The following RNF6 variants were observed in gnomAD, a reference collection of about 807,000 sequenced individuals.
The protein encoded by RNF6 is E3 ubiquitin-protein ligase RNF6.
In RNF6, 21 loss-of-function variants were observed where a neutral mutation model predicts 50.1. The ratio of observed to expected loss-of-function variants is 0.42; its 90% CI spans 0.30 to 0.60. RNF6 has a LOEUF of 0.60. RNF6 is among the 20% of genes least tolerant of loss of function. RNF6 has a pLI of 0.20. For missense variants in RNF6, 698 were observed against 838.2 expected (o/e 0.83, Z 2.07); for synonymous variants, 255 against 291.8 (o/e 0.87, Z 1.29).
chr13:26,174,621 C>A (rs142820499), intron 5 of RNF6, among the ~76,000 whole-genome samples: 317 of 152,186 alleles, frequency 2.1e-3, no homozygotes, highest in African/African-American at 7.2e-3. Flanking sequence ...GAAAACAAAC[C>A]CCAAAATATT....
At chr13:26,179,653 G>A (rs778867606) in intron 5 of RNF6, among the ~76,000 whole-genome samples, 9 of 152,124 alleles carry the variant, frequency 5.9e-5, no homozygotes, top group Non-Finnish European at 1.3e-4. Context: ...ACCATTCAGG[G>A]TCCTGTCCTC....
chr13:26,210,427 T>A (rs770161206), downstream of RNF6, among the ~76,000 whole-genome samples: 69 of 152,224 alleles, frequency 4.5e-4, no homozygotes, highest in Non-Finnish European at 4.0e-4. Context: ...CTCTGGCCCT[T>A]AATGCAGCAT....
At chr13:26,186,491 A>C (rs562513899) in intron 5 of RNF6, among the ~76,000 whole-genome samples, 2 of 152,200 alleles carry the variant, frequency 1.3e-5, no homozygotes, top group Non-Finnish European at 2.9e-5. Context: ...ACTGGCAGTC[A>C]GCGGAGACGC....
At position 26,214,911 on chromosome 13, in the gene RNF6, T is replaced by A; in HGVS notation, c.971A>T (p.His324Leu). ...PIQRQSGTVY[H>L]NSQRESRPVQ... ...TGGTCTACTTTCCCTTTGGGAATTA[T>A]GATAAACAGTGCCACTCTGTCTCTG... The change falls in exon 5 of 5, where the codon CAT becomes CTT. Residue 324 changes from histidine to leucine, a missense_variant. Transcript: ENST00000381588. 1 of 1,614,260 alleles carries A rather than the reference T, an allele frequency of 6.2e-7. No individual in the cohort carries two copies. Among genetic ancestry groups the A allele is most frequent in the South Asian group, 1.1e-5 (1 of 91,090 alleles).
rs1239965597 is a variant in RNF6, at chr13:26,214,461, T to C, written c.1421A>G (p.Glu474Gly). The C allele has an allele frequency of 6.2e-7, 1 of 1,614,192 alleles. No individual in the cohort carries two copies. The highest frequency in any genetic ancestry group is 8.5e-7 in the Non-Finnish European group (1 of 1,180,044). ...LRRISENELV[E>G]PSSVALRSIL... ...TGACCGAAGAGCCACTGATGATGGC[T>C]CAACAAGCTCATTCTCAGAAATCCT... Residue 474 changes from glutamate to glycine, a missense_variant, in exon 5 of 5, where the codon GAG becomes GGG. Glu to Gly is a moderately conservative substitution (Grantham distance 98). Transcript: ENST00000381588.
chr13:26,158,258 T>C (rs932261067), intron 5 of RNF6, among the ~76,000 whole-genome samples: 9 of 152,078 alleles, frequency 5.9e-5, no homozygotes, highest in African/African-American at 2.2e-4. Flanking sequence ...AATTTCAAGT[T>C]CCAAGGAGAG....
chr13:26,211,942 T>G (rs1183460934), downstream of RNF6, among the ~76,000 whole-genome samples: 1 of 152,210 alleles, frequency 6.6e-6, no homozygotes, highest in Non-Finnish European at 1.5e-5. Context: ...CTCTTCCACC[T>G]CTTCATACTG....
intron 5 of RNF6, among the ~76,000 whole-genome samples, chr13:26,132,607 A>G (rs1391339634): frequency 6.6e-6 from 1 of 152,254 alleles, no homozygotes; most frequent in Admixed American, 6.5e-5. Context: ...ACACTTTAAT[A>G]TAAACCTTGT....
At chr13:26,155,105 A>G (rs1390614863) in intron 5 of RNF6, among the ~76,000 whole-genome samples, 1 of 151,918 alleles carries the variant, frequency 6.6e-6, no homozygotes, top group Non-Finnish European at 1.5e-5. Context: ...AGAGACATCA[A>G]TTCTTCTCCC....
chr13:26,169,629 T>C (rs888058640), intron 5 of RNF6, among the ~76,000 whole-genome samples: 1 of 152,166 alleles, frequency 6.6e-6, no homozygotes, highest in African/African-American at 2.4e-5. Flanking sequence ...ACCCAGGAAA[T>C]GTCTTTCTGA....
downstream of RNF6, among the ~76,000 whole-genome samples, chr13:26,211,932 C>G (rs539231491): frequency 6.6e-6 from 1 of 152,342 alleles, no homozygotes; most frequent in Non-Finnish European, 1.5e-5. Flanking sequence ...AGGTGATTCT[C>G]TCTTCCACCT....
chr13:26,164,947 AT>A (rs1872375754), intron 5 of RNF6, among the ~76,000 whole-genome samples: 1 of 152,198 alleles, frequency 6.6e-6, no homozygotes, highest in South Asian at 2.1e-4. Flanking sequence ...AGCTGCAGAA[AT>A]TTGCATAAGT....
intron 5 of RNF6, among the ~76,000 whole-genome samples, chr13:26,184,058 G>T (rs1344362564): frequency 8.9e-6 from 1 of 112,040 alleles, no homozygotes; most frequent in Non-Finnish European, 1.6e-5. Flanking sequence ...ACAGAGTCTC[G>T]CTCTGTTGCT....
chr13:26,210,628 T>A (rs904498300), downstream of RNF6, among the ~76,000 whole-genome samples: 1 of 152,204 alleles, frequency 6.6e-6, no homozygotes, highest in Admixed American at 6.5e-5. Context: ...AGGAATTAAA[T>A]TAGACTGAAA....
intron 5 of RNF6, among the ~76,000 whole-genome samples, chr13:26,133,329 T>C (rs549531644): frequency 4.6e-5 from 7 of 152,312 alleles, no homozygotes; most frequent in African/African-American, 1.4e-4. Flanking sequence ...TTTGTTTGGA[T>C]TTATCTCTTT....
In RNF6 at chr13:26,214,814, T is replaced by A. The variant is rs189509962; in HGVS notation, c.1068A>T (p.Glu356Asp). 6.2e-7 allele frequency: 1 copy of A among 1,614,202 alleles called. No homozygotes were observed. Among genetic ancestry groups the A allele is most frequent in the East Asian group, 2.2e-5 (1 of 44,880 alleles). ...RTRVFLEQDRERERRGTAYTP... is the reference protein window; with the variant it reads ...RTRVFLEQDRDRERRGTAYTP... ...TATATGCAGTACCTCTGCGTTCTCG[T>A]TCTCTATCTTGCTCTAAAAAGACTC... The change falls in exon 5 of 5, where the codon GAA (glutamate) becomes GAT (aspartate). Residue 356 changes from glutamate (E) to aspartate (D), a missense_variant. Coordinates refer to ENST00000381588, the MANE Select transcript of RNF6 (RefSeq NM_005977.4).
chr13:26,184,790 A>C (rs1873437641), intron 5 of RNF6, among the ~76,000 whole-genome samples: 1 of 152,138 alleles, frequency 6.6e-6, no homozygotes, highest in African/African-American at 2.4e-5. Flanking sequence ...CGTAGATTGA[A>C]TGCTAAGCAT....
chr13:26,195,194 A>G (rs301066), intron 5 of RNF6, among the ~76,000 whole-genome samples: 4,483 of 152,310 alleles, frequency 0.029, 181 homozygotes, highest in East Asian at 0.16. Flanking sequence ...CAATGTAAGC[A>G]GGGATGGAAA....
intron 5 of RNF6, among the ~76,000 whole-genome samples, chr13:26,196,929 A>G (rs1013415464): frequency 6.6e-6 from 1 of 152,062 alleles, no homozygotes; most frequent in Admixed American, 6.6e-5. Context: ...AAGATATGAT[A>G]ACACAAATGA....
Sources: allele counts gnomAD v4.1 joint callset (sites outside exome capture counted in the v4.1 genomes callset), GRCh38; gene constraint gnomAD v4.1.1; transcripts MANE v1.5; gene names NCBI Gene and HGNC (gene_info 2026-07-23, HGNC 2026-07-21).